The following DAB2IP variants were observed in gnomAD, a reference collection of about 807,000 sequenced individuals.
DAB2IP encodes disabled homolog 2-interacting protein.
Under a neutral mutation model 107.2 loss-of-function variants are expected in DAB2IP, and 28 were observed. The observed-to-expected ratio is 0.26, with a 90% CI of 0.19 to 0.36. The LOEUF (loss-of-function observed/expected upper bound fraction) is 0.36, where lower values mean the gene tolerates loss of function less well. Among genes scored for constraint, DAB2IP ranks in the 10% least tolerant of loss-of-function variants. DAB2IP has a pLI of 1.00. For missense variants in DAB2IP, 1,400 were observed against 1,644.7 expected (o/e 0.85, Z 2.57); for synonymous variants, 755 against 706.4 (o/e 1.07, Z -1.09).
intron 3 of DAB2IP, among the ~76,000 whole-genome samples, chr9:121,750,317 G>A (rs1833017245): frequency 6.6e-6 from 1 of 151,940 alleles, no homozygotes. Flanking sequence ...GCATTCACTT[G>A]TGTGCGCGCG....
chr9:121,623,515 C>T (rs959544590), intron 1 of DAB2IP, among the ~76,000 whole-genome samples: 1 of 151,862 alleles, frequency 6.6e-6, no homozygotes, highest in East Asian at 1.9e-4. Context: ...TACAAGCATG[C>T]ACCACCACAC....
At chr9:121,758,906 G>T (rs559896738) in exon 5 of DAB2IP, 1 of 1,613,188 alleles carries the variant, frequency 6.2e-7, no homozygotes, top group East Asian at 2.2e-5. Context: ...AGGTGACGAC[G>T]TCATCAGGAA....
intron 3 of DAB2IP, chr9:121,752,039 A>G: frequency 1.1e-5 from 11 of 985,436 alleles, no homozygotes; most frequent in Non-Finnish European, 1.3e-5. Flanking sequence ...TGCCATGTTT[A>G]GAAGGGTCTC....
intron 5 of DAB2IP, 112 bp downstream of exon 5, chr9:121,759,108 T>C: frequency 9.2e-7 from 1 of 1,086,194 alleles, no homozygotes; most frequent in Non-Finnish European, 1.4e-6. Context: ...GTGGTCAGCC[T>C]GCATGGAGGC....
chr9:121,596,883 G>A (rs777168572), intron 1 of DAB2IP, among the ~76,000 whole-genome samples: 16 of 152,138 alleles, frequency 1.1e-4, no homozygotes, highest in Non-Finnish European at 1.6e-4. Flanking sequence ...CAGACTCCAG[G>A]TCCCTACTGT....
chr9:121,762,139 T>C (rs560037403), intron 6 of DAB2IP, among the ~76,000 whole-genome samples: 1 of 152,284 alleles, frequency 6.6e-6, no homozygotes, highest in South Asian at 2.1e-4. Context: ...TAGCCCCTCT[T>C]CCGTCTCCAC....
rs138505036 is a variant in DAB2IP, at chr9:121,774,322, C to T, written c.3030C>T (p.Asn1010=). 2.6e-4 allele frequency: 412 copies of T among 1,613,520 alleles called. No individual in the cohort carries two copies. In the African/African-American group the frequency reaches 4.3e-3, roughly 17 times the overall value. The change falls in exon 13 of 16, where the codon AAC becomes AAT. Residue 1010 remains asparagine (N), a synonymous_variant. Transcript: ENST00000408936. ...CAGCCGCTTGGCTCTTGACCATGAACGCGCAGTTGTTAGAAGACGAGGGCC... is the reference window on the plus strand; with the variant it reads ...CAGCCGCTTGGCTCTTGACCATGAATGCGCAGTTGTTAGAAGACGAGGGCC...
intron 1 of DAB2IP, among the ~76,000 whole-genome samples, chr9:121,574,729 C>T (rs1446315945): frequency 6.6e-6 from 1 of 152,118 alleles, no homozygotes; most frequent in Admixed American, 6.5e-5. Flanking sequence ...CTCCCACCAC[C>T]CCACTGGGTC....
chr9:121,653,946 C>T (rs1832868952), intron 1 of DAB2IP, among the ~76,000 whole-genome samples: 1 of 152,206 alleles, frequency 6.6e-6, no homozygotes, highest in Non-Finnish European at 1.5e-5. Context: ...GAGGAGGTGA[C>T]ATTTGGATGG....
intron 3 of DAB2IP, among the ~76,000 whole-genome samples, chr9:121,742,446 C>CA (rs1414151694): frequency 6.6e-6 from 1 of 152,190 alleles, no homozygotes; most frequent in African/African-American, 2.4e-5. Context: ...AGAAGATAGC[C>CA]ACACAGCACC....
At chr9:121,731,177 C>G (rs546911397) in intron 3 of DAB2IP, among the ~76,000 whole-genome samples, 17 of 152,338 alleles carry the variant, frequency 1.1e-4, no homozygotes, top group African/African-American at 3.6e-4. Context: ...CTTCCCCTCT[C>G]TACTAAACTG....
At position 121,760,142 on chromosome 9, in the gene DAB2IP, G is replaced by C; in HGVS notation, c.873G>C (p.Leu291=). 6.2e-7 allele frequency: 1 copy of C among 1,613,926 alleles called. No homozygotes were observed. The highest frequency in any genetic ancestry group is 8.5e-7 in the Non-Finnish European group (1 of 1,180,030). Residue 291 remains leucine (L), a synonymous_variant, in exon 6 of 16, where the codon CTG becomes CTC. Coordinates refer to ENST00000408936, the Ensembl canonical transcript of DAB2IP. The surrounding 1 kb of genome is among the most constrained non-coding windows in gnomAD (Gnocchi z 5.9). ...AGAAGAAGGAGCGCAACAGTTACCT[G>C]GGCCTGGTGAGCCTACCTGCTGCCT...
chr9:121,772,579 T>C lies in DAB2IP; in HGVS notation c.2079-28T>C. The C allele has an allele frequency of 6.3e-7, 1 of 1,589,730 alleles. No individual in the cohort carries two copies. On this transcript the variant is annotated intron_variant, in intron 11 of 15. Coordinates refer to ENST00000408936, the Ensembl canonical transcript of DAB2IP. This position sits in a 1 kb window ranked among gnomAD's most constrained non-coding sequence, Gnocchi z 4.7. ...CTCACAGTTCTTCTTTTCCCCTTCT[T>C]TCCCTGTGTGTGCTTGTCTCCCTGC...
At chr9:121,694,025 C>T (rs935594914) in intron 2 of DAB2IP, among the ~76,000 whole-genome samples, 3 of 152,158 alleles carry the variant, frequency 2.0e-5, no homozygotes, top group Admixed American at 2.0e-4. Context: ...GGTTCCCCTC[C>T]CTGGGGGTGG....
chr9:121,663,413 C>T (rs1347156360), intron 1 of DAB2IP, among the ~76,000 whole-genome samples: 1 of 152,156 alleles, frequency 6.6e-6, no homozygotes, highest in Non-Finnish European at 1.5e-5. Flanking sequence ...AAGCCAAACA[C>T]GTCCCCTCTG....
chr9:121,573,768 G>T (rs1434989797), intron 1 of DAB2IP, among the ~76,000 whole-genome samples: 1 of 152,140 alleles, frequency 6.6e-6, no homozygotes, highest in Non-Finnish European at 1.5e-5. Context: ...GCCCAAGGAG[G>T]TTACGTGACT....
At chr9:121,721,053 G>C (rs565011206) in intron 3 of DAB2IP, among the ~76,000 whole-genome samples, 1 of 152,346 alleles carries the variant, frequency 6.6e-6, no homozygotes, top group Non-Finnish European at 1.5e-5. Context: ...CTCCTTTTCA[G>C]TTTAACAGAA....
intron 1 of DAB2IP, among the ~76,000 whole-genome samples, chr9:121,586,488 T>C (rs1434214807): frequency 2.0e-5 from 3 of 152,122 alleles, no homozygotes; most frequent in Non-Finnish European, 4.4e-5. Flanking sequence ...ATGGGCCCCT[T>C]GCAGGGAGCT....
At chr9:121,712,084 T>C (rs1291318542) in intron 3 of DAB2IP, among the ~76,000 whole-genome samples, 1 of 152,202 alleles carries the variant, frequency 6.6e-6, no homozygotes, top group African/African-American at 2.4e-5. Context: ...TTGCCGGAGC[T>C]CTTCCAGGGG....
Sources: allele counts gnomAD v4.1 joint callset (sites outside exome capture counted in the v4.1 genomes callset), GRCh38; gene constraint gnomAD v4.1.1; non-coding constraint Gnocchi (gnomAD v3.1); transcripts MANE v1.5; gene names NCBI Gene and HGNC (gene_info 2026-07-23, HGNC 2026-07-21).